Variants in TMEM229B observed in about 807,000 individuals in gnomAD.
TMEM229B encodes chromosome 14 open reading frame 83.
TMEM229B carries 6 observed loss-of-function variants against 13.7 expected under a neutral mutation model. The observed-to-expected ratio is 0.44, with a 90% CI of 0.24 to 0.86. The LOEUF (loss-of-function observed/expected upper bound fraction) is 0.86, where lower values mean the gene tolerates loss of function less well. Ranked by LOEUF, TMEM229B falls within the 40% of genes least tolerant of loss-of-function variation. The pLI is 0.23. For missense variants in TMEM229B, 170 were observed against 236.0 expected (o/e 0.72, Z 1.83); for synonymous variants, 107 against 102.1 (o/e 1.05, Z -0.29).
chr14:67,533,558 G>A (rs966116102), intron 1 of TMEM229B: 4 of 152,068 alleles, frequency 2.6e-5, no homozygotes, highest in Non-Finnish European at 5.9e-5. Context: ...GAGCGCTGGA[G>A]CGCGGGTCTG....
chr14:67,500,489 C>T (rs1328872231), intron 1 of TMEM229B, among the ~76,000 whole-genome samples: 1 of 151,748 alleles, frequency 6.6e-6, no homozygotes, highest in African/African-American at 2.4e-5. Context: ...CAAAACAAAA[C>T]AAAAACAAAA....
At chr14:67,478,292 A>C (rs1255169529) in intron 2 of TMEM229B, among the ~76,000 whole-genome samples, 1 of 152,332 alleles carries the variant, frequency 6.6e-6, no homozygotes, top group African/African-American at 2.4e-5. Flanking sequence ...CATGCCCACC[A>C]TCATCCCACT....
At chr14:67,494,137 A>G (rs549377205) in intron 1 of TMEM229B, among the ~76,000 whole-genome samples, 108 of 152,272 alleles carry the variant, frequency 7.1e-4, no homozygotes, top group African/African-American at 2.5e-3. Flanking sequence ...CCATCTACTG[A>G]GAAAGCACCC....
At chr14:67,485,221 C>T (rs530452628) in intron 2 of TMEM229B, among the ~76,000 whole-genome samples, 1 of 152,316 alleles carries the variant, frequency 6.6e-6, no homozygotes, top group African/African-American at 2.4e-5. Context: ...TGCCTCCCAT[C>T]TGAGGAACGA....
chr14:67,517,754 G>C (rs1344464430), upstream of TMEM229B, among the ~76,000 whole-genome samples: 1 of 152,158 alleles, frequency 6.6e-6, no homozygotes, highest in Non-Finnish European at 1.5e-5. Context: ...CTCTGGGTAG[G>C]ACAGCTATTT....
chr14:67,527,920 G>A (rs1173519018), intron 1 of TMEM229B, among the ~76,000 whole-genome samples: 1 of 152,222 alleles, frequency 6.6e-6, no homozygotes, highest in Admixed American at 6.5e-5. Flanking sequence ...TTGAGGAGGG[G>A]AGGTCAAGGA....
At chr14:67,521,707 C>T (rs540354395) in intron 1 of TMEM229B, among the ~76,000 whole-genome samples, 85 of 152,136 alleles carry the variant, frequency 5.6e-4, no homozygotes, top group Non-Finnish European at 2.4e-4. Flanking sequence ...ACTAAGACAG[C>T]CCTGAAAATT....
intron 1 of TMEM229B, among the ~76,000 whole-genome samples, chr14:67,506,046 T>C (rs28373080): frequency 0.58 from 88,486 of 151,948 alleles, 27,454 homozygotes; most frequent in Non-Finnish European, 0.69. Context: ...ATCCCAGCAA[T>C]TGGGAGGGTA....
At chr14:67,501,452 C>T (rs1041691150) in intron 1 of TMEM229B, among the ~76,000 whole-genome samples, 4 of 152,112 alleles carry the variant, frequency 2.6e-5, no homozygotes, top group Non-Finnish European at 1.5e-5. Flanking sequence ...GCAGCCTCGA[C>T]CTCCTGGGCT....
intron 1 of TMEM229B, among the ~76,000 whole-genome samples, chr14:67,528,645 T>C (rs2033402407): frequency 6.6e-6 from 1 of 152,184 alleles, no homozygotes; most frequent in African/African-American, 2.4e-5. Context: ...TCAGGTGCTC[T>C]TTCTCCCTCC....
chr14:67,520,268 A>G (rs1235491922), upstream of TMEM229B, among the ~76,000 whole-genome samples: 2 of 152,196 alleles, frequency 1.3e-5, no homozygotes, highest in African/African-American at 4.8e-5. Context: ...GTATATTGAC[A>G]TGTATCCACC....
At chr14:67,491,540 C>G (rs1339893824), upstream of TMEM229B, among the ~76,000 whole-genome samples, 1 of 152,184 alleles carries the variant, frequency 6.6e-6, no homozygotes, top group Non-Finnish European at 1.5e-5. Context: ...TCCTTTCACT[C>G]AGGAAATTTC....
At chr14:67,494,950 T>C (rs1051799016) in intron 1 of TMEM229B, among the ~76,000 whole-genome samples, 3 of 152,178 alleles carry the variant, frequency 2.0e-5, no homozygotes, top group African/African-American at 4.8e-5. Flanking sequence ...TGTCTCTACA[T>C]AAAAATTTAA....
rs892919615 is a variant in TMEM229B at position 67,473,978 on chromosome 14, C to T, written c.-18-37G>A. 3.8e-5 allele frequency: 58 copies of T among 1,525,720 alleles called. No individual in the cohort carries two copies. The highest frequency in any genetic ancestry group is 1.0e-4 in the Admixed American group (5 of 48,482). The allele number at this position is 1,525,720 out of a possible 1,614,324, so 94.5% of individuals were successfully genotyped here. A position where few individuals can be genotyped will look rare whatever the true frequency, so the allele number is the denominator to read the frequency against. Reference sequence around the variant, plus strand: ...GCAAGAGAGACAGGTGAGGGCCGGGCGCGGTGGCTCACGCCTATAATCCCT... The same window carrying T: ...GCAAGAGAGACAGGTGAGGGCCGGGTGCGGTGGCTCACGCCTATAATCCCT... On this transcript the variant is annotated intron_variant, in intron 2 of 2. Coordinates refer to ENST00000554480, the MANE Select transcript of TMEM229B (RefSeq NM_001348543.2). The surrounding 1 kb of genome is among the most constrained non-coding windows in gnomAD (Gnocchi z 6.5).
rs1178948508 is a variant in TMEM229B at position 67,473,553 on chromosome 14, C to T, written c.371G>A (p.Trp124Ter). Residue 124 changes from tryptophan (W) to a stop codon, truncating the protein, a stop_gained, in exon 3 of 3, where the codon TGG becomes TAG. Coordinates refer to ENST00000554480, the MANE Select transcript of TMEM229B (RefSeq NM_001348543.2). LOFTEE classifies it high-confidence loss of function. This position sits in a 1 kb window ranked among gnomAD's most constrained non-coding sequence, Gnocchi z 6.5. Reference sequence around the variant, plus strand: ...CTCCATGATGAGGGCCCCGCAGAACCAGGGCACGGCGTACTCCAGGGTGAT... The same window carrying T: ...CTCCATGATGAGGGCCCCGCAGAACTAGGGCACGGCGTACTCCAGGGTGAT... The part of the protein sequence containing the change: ...GLITLEYAVP[W>*]FCGALIMEQF... The T allele has an allele frequency of 6.2e-7, 1 of 1,613,664 alleles. No homozygotes were observed. Among genetic ancestry groups the T allele is most frequent in the Non-Finnish European group, 8.5e-7 (1 of 1,179,836 alleles).
chr14:67,509,421 C>T (rs1390255366), intron 1 of TMEM229B, among the ~76,000 whole-genome samples: 6 of 152,146 alleles, frequency 3.9e-5, no homozygotes, highest in African/African-American at 1.2e-4. Flanking sequence ...CAGGTTCAAG[C>T]GATTCTCCTG....
rs375624559 is a variant in TMEM229B at position 67,471,391 on chromosome 14, A to C, written c.*2029T>G. 1.3e-5 allele frequency: 2 copies of C among 152,278 alleles called. No homozygotes were observed. The highest frequency in any genetic ancestry group is 3.9e-4 in the East Asian group (2 of 5,194). 9.4% of individuals were successfully genotyped at this position (152,278 alleles called of 1,614,324 possible). A position where few individuals can be genotyped will look rare whatever the true frequency, so the allele number is the denominator to read the frequency against. On this transcript the variant is annotated 3_prime_UTR_variant, in exon 3 of 3. Transcript: ENST00000554480. The stretch of plus-strand genomic sequence containing the variant: ...AGGCCTGAAGGGGTGCTGGGAGACT[A>C]AGACAACATGGAGTTGGAGAGAGAA...
intron 2 of TMEM229B, among the ~76,000 whole-genome samples, chr14:67,486,097 G>A (rs933890123): frequency 5.3e-5 from 8 of 152,190 alleles, no homozygotes; most frequent in African/African-American, 1.9e-4. Context: ...GTGAGTGCTC[G>A]CTTCACTCAC....
chr14:67,486,533 A>T (rs2140123140), intron 2 of TMEM229B, among the ~76,000 whole-genome samples: 1 of 152,262 alleles, frequency 6.6e-6, no homozygotes, highest in African/African-American at 2.4e-5. Context: ...TCGGCCTCCC[A>T]AAGTGCTGGG....
Sources: gnomAD v4.1 joint callset for allele counts (sites outside exome capture counted in the v4.1 genomes callset) on GRCh38, gnomAD v4.1.1 for gene constraint, Gnocchi (gnomAD v3.1) non-coding constraint, MANE v1.5 for transcripts, NCBI Gene and HGNC (gene_info 2026-07-23, HGNC 2026-07-21) for gene names.